Variants in CTSC observed in about 807,000 individuals in gnomAD.
CTSC encodes cathepsin C, also known as dipeptidyl peptidase 1.
Under a neutral mutation model 40.9 loss-of-function variants are expected in CTSC, and 37 were observed. The ratio of observed to expected loss-of-function variants is 0.91; its 90% CI spans 0.70 to 1.19. The LOEUF is 1.19. Among genes scored for constraint, CTSC ranks in the 50% most tolerant of loss-of-function variants. CTSC has a pLI of 0.00. For missense variants in CTSC, 594 were observed against 567.3 expected (o/e 1.05, Z -0.48); for synonymous variants, 232 against 207.4 (o/e 1.12, Z -1.02).
At chr11:88,334,690 C>T in intron 2 of CTSC, 1 of 426,038 alleles carries the variant, frequency 2.3e-6, no homozygotes, top group Non-Finnish European at 4.2e-6. Flanking sequence ...TCATACTTAC[C>T]AAAATGTAAA....
intron 2 of CTSC, chr11:88,326,430 G>A: frequency 6.2e-7 from 1 of 1,611,690 alleles, no homozygotes; most frequent in Non-Finnish European, 8.5e-7. Context: ...CTCAACAGAT[G>A]CTCTATTTAA....
intron 2 of CTSC, chr11:88,325,532 G>C (rs1938157191): frequency 1.0e-6 from 1 of 985,382 alleles, no homozygotes; most frequent in Non-Finnish European, 1.2e-6. Context: ...CTTTAGGCTT[G>C]AAAGACAAGT....
chr11:88,327,714 C>T (rs942678401), intron 2 of CTSC, among the ~76,000 whole-genome samples: 2 of 152,196 alleles, frequency 1.3e-5, no homozygotes, highest in African/African-American at 4.8e-5. Context: ...TGTGGCCTCA[C>T]ATGTTTCTCT....
intron 2 of CTSC, among the ~76,000 whole-genome samples, chr11:88,315,063 G>A (rs115026766): frequency 7.8e-4 from 119 of 152,294 alleles, no homozygotes; most frequent in African/African-American, 2.7e-3. Context: ...TTGGTAGATC[G>A]AAACAGTGTA....
At chr11:88,313,444 A>G (rs918057887) in intron 2 of CTSC, among the ~76,000 whole-genome samples, 12 of 152,328 alleles carry the variant, frequency 7.9e-5, no homozygotes, top group African/African-American at 2.9e-4. Context: ...TGAGTATTAA[A>G]TATATTCTTT....
chr11:88,308,093 A>G (rs1007232540), intron 4 of CTSC, among the ~76,000 whole-genome samples: 1 of 152,234 alleles, frequency 6.6e-6, no homozygotes, highest in African/African-American at 2.4e-5. Context: ...CGCCTTTGCA[A>G]AAATTATACC....
At chr11:88,319,530 C>T (rs1937950258) in intron 2 of CTSC, among the ~76,000 whole-genome samples, 1 of 152,038 alleles carries the variant, frequency 6.6e-6, no homozygotes, top group Non-Finnish European at 1.5e-5. Flanking sequence ...TGAAAATTTA[C>T]AGTCATGAAA....
chr11:88,335,178 C>G, intron 1 of CTSC, 96 bp from the exon 2 acceptor site: 1 of 849,708 alleles, frequency 1.2e-6, no homozygotes, highest in African/African-American at 1.7e-5. Flanking sequence ...TGCTGCTTTC[C>G]TTTCATGCTA....
intron 4 of CTSC, among the ~76,000 whole-genome samples, chr11:88,305,536 C>T (rs1937623876): frequency 6.6e-6 from 1 of 152,196 alleles, no homozygotes; most frequent in South Asian, 2.1e-4. Context: ...CAGAAATGCT[C>T]ATAAACAATA....
At chr11:88,306,955 C>T (rs1937646307) in intron 4 of CTSC, among the ~76,000 whole-genome samples, 1 of 152,222 alleles carries the variant, frequency 6.6e-6, no homozygotes. Context: ...GGCCTCTGCA[C>T]CTGCCCCTCT....
At chr11:88,337,042 G>A (rs1938514744) in intron 1 of CTSC, among the ~76,000 whole-genome samples, 1 of 151,978 alleles carries the variant, frequency 6.6e-6, no homozygotes. Context: ...TCGCTGGGCA[G>A]AAAGTCCCTT....
In CTSC at chr11:88,305,059, C is replaced by G. The variant is rs191514387; in HGVS notation, c.641+4104G>C. Among the ~76,000 whole-genome samples, 411 of 151,616 alleles carry G rather than the reference C, an allele frequency of 2.7e-3. 2 individuals are homozygous for G. The highest frequency in any genetic ancestry group is 9.5e-3 in the African/African-American group (393 of 41,252). On this transcript the variant is annotated intron_variant, in intron 4 of 6. Transcript: ENST00000227266. Reference sequence around the variant, plus strand: ...GTTGCAGTGAGCCAAGATTGCTTTACCGCACTCCAGCCTGGACAACACAGT... The same window carrying G: ...GTTGCAGTGAGCCAAGATTGCTTTAGCGCACTCCAGCCTGGACAACACAGT...
intron 2 of CTSC, among the ~76,000 whole-genome samples, chr11:88,314,064 G>A (rs1159421781): frequency 2.0e-5 from 3 of 152,182 alleles, no homozygotes; most frequent in East Asian, 3.9e-4. Flanking sequence ...TCCAGAGGTT[G>A]TAGTTTGTGG....
chr11:88,320,963 C>T, intron 2 of CTSC: 4 of 984,962 alleles, frequency 4.1e-6, no homozygotes, highest in Non-Finnish European at 4.8e-6. Context: ...TACAAACAGG[C>T]AATTATGACA....
At chr11:88,302,753 A>G (rs981872176) in intron 4 of CTSC, among the ~76,000 whole-genome samples, 1 of 152,126 alleles carries the variant, frequency 6.6e-6, no homozygotes, top group African/African-American at 2.4e-5. Context: ...AGATTACACA[A>G]ACACTAGTTA....
chr11:88,296,293 A>C, intron 5 of CTSC, 29 bp from the exon 6 acceptor site: 1 of 1,612,578 alleles, frequency 6.2e-7, no homozygotes, highest in Non-Finnish European at 8.5e-7. Flanking sequence ...CACATAATCC[A>C]AGAGACATCT....
chr11:88,329,759 C>T (rs1938299319), intron 2 of CTSC, among the ~76,000 whole-genome samples: 1 of 152,174 alleles, frequency 6.6e-6, no homozygotes, highest in South Asian at 2.1e-4. Context: ...CAGAGTCTCA[C>T]GCTGTCACCC....
In CTSC at chr11:88,315,821, T is replaced by C. The variant is rs527572633; in HGVS notation, c.319-3267A>G. 2.6e-5 allele frequency among the ~76,000 whole-genome samples: 4 copies of C among 152,214 alleles called. No individual in the cohort carries two copies. In the South Asian group the frequency reaches 8.3e-4, roughly 32 times the overall value. On this transcript the variant is annotated intron_variant, in intron 2 of 6. Transcript: ENST00000227266. Reference sequence around the variant, plus strand: ...ATCACTGACGGGAGATACCCAGAAATGACAGAAAAGGCTTTTTTTTAAACC... The same window carrying C: ...ATCACTGACGGGAGATACCCAGAAACGACAGAAAAGGCTTTTTTTTAAACC...
intron 5 of CTSC, 27 bp from the exon 6 acceptor site, chr11:88,296,291 C>T: frequency 6.2e-7 from 1 of 1,612,500 alleles, no homozygotes; most frequent in Non-Finnish European, 8.5e-7. Flanking sequence ...GACACATAAT[C>T]CAAGAGACAT....
Sources: allele counts gnomAD v4.1 joint callset (sites outside exome capture counted in the v4.1 genomes callset), GRCh38; gene constraint gnomAD v4.1.1; transcripts MANE v1.5; gene names NCBI Gene and HGNC (gene_info 2026-07-23, HGNC 2026-07-21).